TNNI3K: variants seen among roughly 807,000 people sequenced by gnomAD.
TNNI3K encodes the protein TNNI3 interacting kinase.
Under a neutral mutation model 114.5 loss-of-function variants are expected in TNNI3K, and 140 were observed. The observed-to-expected ratio is 1.22, with a 90% CI of 1.07 to 1.41. The LOEUF (loss-of-function observed/expected upper bound fraction) is 1.41, where lower values mean the gene tolerates loss of function less well. TNNI3K is among the 40% of genes most tolerant of loss of function. TNNI3K has a pLI of 0.00. For missense variants in TNNI3K, 1,125 were observed against 1,007.6 expected (o/e 1.12, Z -1.58); for synonymous variants, 347 against 347.5 (o/e 1.00, Z 0.02).
rs200254775 is a variant in TNNI3K, at chr1:74,370,379, C to T, written c.1759C>T (p.Arg587Cys). 1.1e-5 allele frequency: 17 copies of T among 1,605,368 alleles called. No homozygotes were observed. Among genetic ancestry groups the T allele is most frequent in the East Asian group, 2.2e-5 (1 of 44,512 alleles). ...CAACCTGACACAGCCAATTATACAT[C>T]GTGACTTGAACAGGTATTTTTTTCC... ...LHNLTQPIIHRDLNSHNILLY... is the reference protein window; with the variant it reads ...LHNLTQPIIHCDLNSHNILLY... The change falls in exon 17 of 25, where the codon CGT (arginine) becomes TGT (cysteine). Residue 587 changes from arginine to cysteine, a missense_variant. Coordinates refer to ENST00000326637, the MANE Select transcript of TNNI3K (RefSeq NM_015978.3).
At chr1:74,276,629 GGT>G (rs1264092021) in intron 5 of TNNI3K, among the ~76,000 whole-genome samples, 1 of 151,970 alleles carries the variant, frequency 6.6e-6, no homozygotes, top group African/African-American at 2.4e-5. Context: ...CGGATCAGTG[GGT>G]GTTCTGTTTC....
chr1:74,490,163 G>A (rs769051089), intron 22 of TNNI3K, among the ~76,000 whole-genome samples: 14 of 150,870 alleles, frequency 9.3e-5, no homozygotes, highest in Non-Finnish European at 1.8e-4. Flanking sequence ...ATGACTCTTT[G>A]CTGGAATTTC....
At chr1:74,309,082 A>G (rs1658822811) in intron 5 of TNNI3K, among the ~76,000 whole-genome samples, 1 of 152,144 alleles carries the variant, frequency 6.6e-6, no homozygotes, top group Admixed American at 6.5e-5. Context: ...TAAAAAGAAG[A>G]GATAGGCCGG....
chr1:74,352,130 G>A (rs190737245), intron 9 of TNNI3K, among the ~76,000 whole-genome samples: 53 of 152,272 alleles, frequency 3.5e-4, no homozygotes, highest in Non-Finnish European at 5.9e-4. Context: ...TGATGGTGAT[G>A]TACAGATGGG....
chr1:74,336,049 T>A lies in TNNI3K; in HGVS notation c.582T>A (p.Asn194Lys). Residue 194 changes from asparagine (N) to lysine (K), a missense_variant, in exon 7 of 25, where the codon AAT becomes AAA. Coordinates refer to ENST00000326637, the MANE Select transcript of TNNI3K (RefSeq NM_015978.3). ...RLLLKFGADVNVSGEVGDRPL... is the reference protein window; with the variant it reads ...RLLLKFGADVKVSGEVGDRPL... ...TTTTGAAATTTGGTGCTGATGTAAA[T>A]GTAAGTGGTGAAGTTGGAGATAGAC... The A allele has an allele frequency of 6.3e-7, 1 of 1,594,572 alleles. No homozygotes were observed. The highest frequency in any genetic ancestry group is 1.1e-5 in the South Asian group (1 of 87,200).
At chr1:74,299,769 AG>A (rs1189113149) in intron 5 of TNNI3K, among the ~76,000 whole-genome samples, 1 of 152,110 alleles carries the variant, frequency 6.6e-6, no homozygotes, top group African/African-American at 2.4e-5. Context: ...TGGACCTTGA[AG>A]TTTAACATAA....
intron 21 of TNNI3K, 37 bp downstream of exon 21, chr1:74,463,587 T>C: frequency 6.2e-7 from 1 of 1,608,342 alleles, no homozygotes; most frequent in Non-Finnish European, 8.5e-7. Context: ...AAATGTGTTA[T>C]GGTCAAAATC....
At chr1:74,345,616 G>A (rs1166921316) in intron 9 of TNNI3K, among the ~76,000 whole-genome samples, 1 of 152,124 alleles carries the variant, frequency 6.6e-6, no homozygotes, top group African/African-American at 2.4e-5. Context: ...CTAGAACCAA[G>A]TCCCTATGCC....
chr1:74,372,874 T>A (rs542995214), intron 17 of TNNI3K: 5 of 152,006 alleles, frequency 3.3e-5, no homozygotes, highest in African/African-American at 1.2e-4. Context: ...ATAGCTGATA[T>A]AAGTTTATAT....
Position 74,426,166 on chromosome 1 carries a change from T to C in TNNI3K, c.1773-9914T>C, listed in dbSNP as rs535824763. 1.8e-4 allele frequency among the ~76,000 whole-genome samples: 27 copies of C among 152,236 alleles called. No individual in the cohort carries two copies. The East Asian group carries it at 5.1e-3, about 29-fold the overall frequency. ...GATGGAGATACCATAGTAAAAGCTA[T>C]AGTTTCAGATTAGTCCAGTAGGTAA... On this transcript the variant is annotated intron_variant, in intron 17 of 24. Coordinates refer to ENST00000326637, the MANE Select transcript of TNNI3K (RefSeq NM_015978.3).
chr1:74,393,723 A>C (rs1373242734), intron 17 of TNNI3K, among the ~76,000 whole-genome samples: 1 of 152,024 alleles, frequency 6.6e-6, no homozygotes, highest in East Asian at 1.9e-4. Context: ...AAGGTGGGGA[A>C]GTGGGGGATG....
At chr1:74,344,921 T>C (rs1046364196) in intron 9 of TNNI3K, among the ~76,000 whole-genome samples, 3 of 152,130 alleles carry the variant, frequency 2.0e-5, no homozygotes, top group Non-Finnish European at 2.9e-5. Flanking sequence ...ATGTACATAG[T>C]ATTTTGCACA....
At chr1:74,437,778 C>T (rs2100665720) in intron 19 of TNNI3K, among the ~76,000 whole-genome samples, 1 of 151,642 alleles carries the variant, frequency 6.6e-6, no homozygotes, top group Admixed American at 6.6e-5. Flanking sequence ...CCTAGCTGCA[C>T]ATTAAAATAA....
At chr1:74,495,873 G>A (rs1166891715) in intron 23 of TNNI3K, among the ~76,000 whole-genome samples, 2 of 152,162 alleles carry the variant, frequency 1.3e-5, no homozygotes, top group African/African-American at 4.8e-5. Flanking sequence ...TCCCAAGCCT[G>A]CCTTTTCAGC....
intron 20 of TNNI3K, among the ~76,000 whole-genome samples, chr1:74,460,326 A>G (rs981975199): frequency 6.6e-6 from 1 of 152,170 alleles, no homozygotes; most frequent in South Asian, 2.1e-4. Context: ...TCGGCCTCCC[A>G]AAGTGCTGGG....
chr1:74,511,032 C>T (rs1326620631), intron 23 of TNNI3K, among the ~76,000 whole-genome samples: 3 of 152,030 alleles, frequency 2.0e-5, no homozygotes, highest in South Asian at 2.1e-4. Flanking sequence ...GAATTACAGG[C>T]GTCTGCCACC....
At chr1:74,277,163 A>G (rs1656733735) in intron 5 of TNNI3K, among the ~76,000 whole-genome samples, 1 of 152,134 alleles carries the variant, frequency 6.6e-6, no homozygotes, top group South Asian at 2.1e-4. Flanking sequence ...TCATTCACAT[A>G]CATTTGTCAT....
chr1:74,447,007 T>C (rs1666725993), intron 20 of TNNI3K, among the ~76,000 whole-genome samples: 1 of 118,012 alleles, frequency 8.5e-6, no homozygotes, highest in African/African-American at 3.1e-5. Context: ...TGGCTTAGGA[T>C]TGACTTGGCG....
chr1:74,438,842 G>C (rs1238178267), intron 19 of TNNI3K, among the ~76,000 whole-genome samples: 2 of 152,072 alleles, frequency 1.3e-5, no homozygotes, highest in Admixed American at 1.3e-4. Context: ...TTCCTTTCTG[G>C]AATATTGCAC....
Sources: allele counts gnomAD v4.1 joint callset (sites outside exome capture counted in the v4.1 genomes callset), GRCh38; gene constraint gnomAD v4.1.1; transcripts MANE v1.5; gene names NCBI Gene and HGNC (gene_info 2026-07-23, HGNC 2026-07-21).